BAZ2B: variants seen among roughly 807,000 people sequenced by gnomAD.
BAZ2B encodes bromodomain adjacent to zinc finger domain 2B, also known as bromodomain adjacent to zinc finger domain protein 2B.
BAZ2B carries 91 observed loss-of-function variants against 246.0 expected under a neutral mutation model. The ratio of observed to expected loss-of-function variants is 0.37; its 90% CI spans 0.31 to 0.44. BAZ2B has a LOEUF of 0.44. Ranked by LOEUF, BAZ2B falls within the 20% of genes least tolerant of loss-of-function variation. The pLI, the probability that BAZ2B is intolerant of heterozygous loss-of-function variation, is 1.00. For missense variants in BAZ2B, 2,332 were observed against 2,533.7 expected (o/e 0.92, Z 1.71); for synonymous variants, 855 against 860.0 (o/e 0.99, Z 0.10).
the BAZ2B span, among the ~76,000 whole-genome samples, chr2:159,682,191 C>T: frequency 8.5e-4 from 95 of 111,768 alleles, no homozygotes; most frequent in Admixed American, 1.3e-3. Flanking sequence ...TGCTCAGGCT[C>T]TTTTTTTTTT....
chr2:159,649,885 G>A, the BAZ2B span, among the ~76,000 whole-genome samples: 1 of 152,136 alleles, frequency 6.6e-6, no homozygotes, highest in Non-Finnish European at 1.5e-5. Context: ...GTGTCCCACA[G>A]CTTAGTGCTG....
At chr2:159,394,216 T>C (rs2063703216) in intron 20 of BAZ2B, among the ~76,000 whole-genome samples, 1 of 152,106 alleles carries the variant, frequency 6.6e-6, no homozygotes, top group Non-Finnish European at 1.5e-5. Context: ...CCTGAGCTAC[T>C]AATTGCTCCC....
chr2:159,489,594 G>A (rs191953903), intron 2 of BAZ2B, among the ~76,000 whole-genome samples: 9 of 152,230 alleles, frequency 5.9e-5, no homozygotes, highest in Admixed American at 5.9e-4. Flanking sequence ...CGGATAAACC[G>A]AAAAAGAAAT....
At chr2:159,648,508 C>T in the BAZ2B span, among the ~76,000 whole-genome samples, 1 of 152,156 alleles carries the variant, frequency 6.6e-6, no homozygotes, top group African/African-American at 2.4e-5. Context: ...CAGGCAATGA[C>T]TGATTTGCTT....
intron 13 of BAZ2B, among the ~76,000 whole-genome samples, chr2:159,416,263 T>C (rs1373318491): frequency 6.6e-6 from 1 of 152,138 alleles, no homozygotes; most frequent in Non-Finnish European, 1.5e-5. Flanking sequence ...CTGAGGAAAA[T>C]GAAAATTTTT....
chr2:159,644,072 G>A, the BAZ2B span, among the ~76,000 whole-genome samples: 173 of 152,168 alleles, frequency 1.1e-3, no homozygotes, highest in African/African-American at 4.0e-3. Context: ...TTATGCCACC[G>A]CACTACAGAG....
At chr2:159,617,960 A>G (rs1455729800), upstream of BAZ2B, among the ~76,000 whole-genome samples, 2 of 152,238 alleles carry the variant, frequency 1.3e-5, no homozygotes, top group Non-Finnish European at 2.9e-5. Flanking sequence ...ACAGAGTAAA[A>G]TGTATGCTAA....
At chr2:159,420,541 T>G (rs2068564318) in intron 13 of BAZ2B, among the ~76,000 whole-genome samples, 1 of 152,212 alleles carries the variant, frequency 6.6e-6, no homozygotes, top group Non-Finnish European at 1.5e-5. Flanking sequence ...AACCTCCTGG[T>G]TGAAAGAAAT....
chr2:159,595,750 T>C (rs1204225510), intron 1 of BAZ2B, among the ~76,000 whole-genome samples: 1 of 152,234 alleles, frequency 6.6e-6, no homozygotes, highest in Non-Finnish European at 1.5e-5. Flanking sequence ...CAAGCGGAGG[T>C]ACTATCAGTC....
chr2:159,530,392 C>T (rs11690478), intron 2 of BAZ2B, among the ~76,000 whole-genome samples: 21,902 of 152,082 alleles, frequency 0.14, 1,770 homozygotes, highest in Middle Eastern at 0.2. Context: ...CCCCTTAAAA[C>T]GGAAAGAAAT....
the BAZ2B span, among the ~76,000 whole-genome samples, chr2:159,686,220 A>G: frequency 6.6e-6 from 1 of 152,166 alleles, no homozygotes; most frequent in Non-Finnish European, 1.5e-5. Context: ...GAGCTATGAT[A>G]GCATCATTAC....
At chr2:159,560,646 G>T (rs2089746227) in intron 1 of BAZ2B, among the ~76,000 whole-genome samples, 1 of 151,100 alleles carries the variant, frequency 6.6e-6, no homozygotes, top group Non-Finnish European at 1.5e-5. Context: ...CTCTGCCTCA[G>T]CCTCCTGAGT....
chr2:159,620,252 G>T (rs537393669), upstream of BAZ2B, among the ~76,000 whole-genome samples: 1 of 152,284 alleles, frequency 6.6e-6, no homozygotes, highest in East Asian at 1.9e-4. Context: ...ACAAACGAGA[G>T]ATCTCAACAG....
chr2:159,496,588 G>A (rs1252742491), intron 2 of BAZ2B, among the ~76,000 whole-genome samples: 3 of 149,926 alleles, frequency 2.0e-5, no homozygotes, highest in Non-Finnish European at 1.5e-5. Flanking sequence ...TTCGAGACCA[G>A]CCTGACCAAC....
rs1577125969 is a variant in BAZ2B at position 159,446,941 on chromosome 2, T to C, written c.537A>G (p.Ser179=). The change falls in exon 6 of 37, where the codon TCA becomes TCG. Residue 179 remains serine (S), a synonymous_variant. Transcript: ENST00000392783. Reference sequence around the variant, plus strand: ...CAGATGTGTTGATACCAATTACAGATGATGTATTACTTCCATTTATTGACC... The same window carrying C: ...CAGATGTGTTGATACCAATTACAGACGATGTATTACTTCCATTTATTGACC... ...VNGSINGSNT[S]SVIGINTSVL... 6.3e-7 allele frequency: 1 copy of C among 1,593,856 alleles called. No individual in the cohort carries two copies. Among genetic ancestry groups the C allele is most frequent in the African/African-American group, 1.3e-5 (1 of 74,274 alleles).
At chr2:159,588,364 T>C (rs150627042) in intron 1 of BAZ2B, among the ~76,000 whole-genome samples, 9 of 151,694 alleles carry the variant, frequency 5.9e-5, no homozygotes, top group Middle Eastern at 6.9e-3. Context: ...CAACCAACAA[T>C]AACTCCAAAA....
intron 25 of BAZ2B, among the ~76,000 whole-genome samples, chr2:159,376,438 A>G (rs2061422559): frequency 6.6e-6 from 1 of 152,182 alleles, no homozygotes; most frequent in Admixed American, 6.5e-5. Context: ...TAGTTGTACC[A>G]TTATCTCTCA....
intron 20 of BAZ2B, among the ~76,000 whole-genome samples, chr2:159,391,210 T>A (rs2063293001): frequency 6.6e-6 from 1 of 152,152 alleles, no homozygotes; most frequent in African/African-American, 2.4e-5. Context: ...GATTTGAAAG[T>A]AGATACTGTA....
At chr2:159,503,872 C>T (rs990329649) in intron 2 of BAZ2B, among the ~76,000 whole-genome samples, 2 of 152,298 alleles carry the variant, frequency 1.3e-5, no homozygotes, top group East Asian at 1.9e-4. Context: ...TGAGCCACCG[C>T]GCCTGGCCGA....
Sources: allele counts gnomAD v4.1 joint callset (sites outside exome capture counted in the v4.1 genomes callset), GRCh38; gene constraint gnomAD v4.1.1; transcripts MANE v1.5; gene names NCBI Gene and HGNC (gene_info 2026-07-23, HGNC 2026-07-21).